Variants in MYH8 observed in about 807,000 individuals in gnomAD.
The protein encoded by MYH8 is myosin heavy chain 8.
In MYH8, 168 loss-of-function variants were observed where a neutral mutation model predicts 233.2. The observed-to-expected ratio is 0.72, with a 90% CI of 0.64 to 0.82. MYH8 has a LOEUF of 0.82. Ranked by LOEUF, MYH8 falls within the 40% of genes least tolerant of loss-of-function variation. MYH8 has a pLI of 0.00. For missense variants in MYH8, 1,995 were observed against 2,327.8 expected (o/e 0.86, Z 2.94); for synonymous variants, 785 against 850.6 (o/e 0.92, Z 1.34).
chr17:10,402,892 C>T (rs949745697), intron 22 of MYH8, among the ~76,000 whole-genome samples: 2 of 152,268 alleles, frequency 1.3e-5, no homozygotes, highest in South Asian at 2.1e-4. Context: ...TAGGCCTAAA[C>T]TGCAACATAA....
In MYH8 at chr17:10,396,897, C is replaced by T. The variant is rs768767249; in HGVS notation, c.4268G>A (p.Arg1423Gln). Residue 1423 changes from arginine (R) to glutamine (Q), a missense_variant, in exon 31 of 40, where the codon CGG (arginine) becomes CAG (glutamine). Arg to Gln is a conservative substitution (Grantham distance 43). Around this residue, in one of 3 missense-constraint regions of MYH8, gnomAD observed 1,498 missense variants for 1,680.9 expected, o/e 0.89. Coordinates refer to ENST00000403437, the MANE Select transcript of MYH8 (RefSeq NM_002472.3). The surrounding 1 kb of genome is among the most constrained non-coding windows in gnomAD (Gnocchi z 4.2). ...KCASLEKTKQ[R>Q]LQNEVEDLML... ...GAGGTCTTCAACTTCATTCTGGAGC[C>T]GCTGCTTCGTCTTCTCAAGGGAAGC... The T allele has an allele frequency of 1.2e-5, 20 of 1,614,038 alleles. No homozygotes were observed. The highest frequency in any genetic ancestry group is 4.5e-5 in the East Asian group (2 of 44,898).
rs1567684537 is a variant in MYH8, at chr17:10,401,783, T to C, written c.2691A>G (p.Glu897=). 6.2e-7 allele frequency: 1 copy of C among 1,614,224 alleles called. No homozygotes were observed. The highest frequency in any genetic ancestry group is 8.5e-7 in the Non-Finnish European group (1 of 1,180,026). Residue 897 remains glutamate, a splice_region_variant and synonymous_variant, in exon 23 of 40, where the codon GAA becomes GAG. Coordinates refer to ENST00000403437, the MANE Select transcript of MYH8 (RefSeq NM_002472.3). ...CCTCTGCATCAGCCAAGCTATCTGC[T>C]TCCTATGGAGAGATTCATTCAGATA... The part of the protein sequence containing the change: ...KNDLQLQVQS[E]ADSLADAEER...
chr17:10,405,549 G>C (rs2072185410), intron 21 of MYH8, among the ~76,000 whole-genome samples: 1 of 152,210 alleles, frequency 6.6e-6, no homozygotes, highest in Admixed American at 6.5e-5. Context: ...GTGTGTGTAA[G>C]TAGAGGGAAT....
In MYH8 at chr17:10,417,735, G is replaced by C. The variant is rs2072301199; in HGVS notation, c.511+910C>G. ...AATTTCTGGGAGGTAGTTAGCTTCT[G>C]TTGACAATCAAAGAACAGTTTACTG... On this transcript the variant is annotated intron_variant, in intron 5 of 39. Transcript: ENST00000403437. This position sits in a 1 kb window ranked among gnomAD's most constrained non-coding sequence, Gnocchi z 4.1. Among the ~76,000 whole-genome samples the C allele has an allele frequency of 6.6e-6, 1 of 152,196 alleles. No homozygotes were observed. The highest frequency in any genetic ancestry group is 2.4e-5 in the African/African-American group (1 of 41,456).
chr17:10,392,702 A>G, intron 37 of MYH8, 56 bp from the exon 38 acceptor site: 2 of 1,612,736 alleles, frequency 1.2e-6, no homozygotes, highest in South Asian at 1.1e-5. Flanking sequence ...AATTAGCCCA[A>G]GACCTACTGA....
rs201938799 is a variant in MYH8 at position 10,419,056 on chromosome 17, C to T, written c.211-26G>A. The T allele has an allele frequency of 1.2e-6, 2 of 1,613,690 alleles. No homozygotes were observed. Among genetic ancestry groups the T allele is most frequent in the African/African-American group, 1.3e-5 (1 of 74,962 alleles). On this transcript the variant is annotated intron_variant, in intron 3 of 39. Transcript: ENST00000403437. The surrounding 1 kb of genome is among the most constrained non-coding windows in gnomAD (Gnocchi z 4.0). ...CTGGTGAGTAAGCAAGAAACCAGTT[C>T]GTTTTTGTTTGTTTGTTTGAGATAG...
In MYH8 at chr17:10,395,254, G is replaced by A. The variant is rs1051333342; in HGVS notation, c.4841C>T (p.Ala1614Val). 1 of 1,614,000 alleles carries A rather than the reference G, an allele frequency of 6.2e-7. No individual in the cohort carries two copies. Among genetic ancestry groups the A allele is most frequent in the East Asian group, 2.2e-5 (1 of 44,888 alleles). ...TTCCATTTTCTTCTTGACTCTCAGA[G>A]CATCATTTCTGCTTCTAATCTCTGC... ...LDAEIRSRND[A>V]LRVKKKMEGD... The change falls in exon 34 of 40, where the codon GCT becomes GTT. Residue 1614 changes from alanine (A) to valine (V), a missense_variant. By Grantham distance (64) the Ala-to-Val change is moderately conservative (BLOSUM62 0). Transcript: ENST00000403437.
Position 10,409,377 on chromosome 17 carries a change from T to C in MYH8, c.1799A>G (p.Asn600Ser). Reference sequence around the variant, plus strand: ...CACAGTATCATTCAGGGGGTCCTTATTTTTGTCCAGCCAGCCAGTAATGTT... The same window carrying C: ...CACAGTATCATTCAGGGGGTCCTTACTTTTGTCCAGCCAGCCAGTAATGTT... ...DYNITGWLDKNKDPLNDTVVG... is the reference protein window; with the variant it reads ...DYNITGWLDKSKDPLNDTVVG... Residue 600 changes from asparagine to serine, a missense_variant, in exon 16 of 40, where the codon AAT becomes AGT. Transcript: ENST00000403437. 1 of 1,614,230 alleles carries C rather than the reference T, an allele frequency of 6.2e-7. No homozygotes were observed. The highest frequency in any genetic ancestry group is 1.1e-5 in the South Asian group (1 of 91,082).
chr17:10,412,516 A>T lies in MYH8; in HGVS notation c.1270T>A (p.Tyr424Asn). The change falls in exon 14 of 40, where the codon TAC becomes AAC. Residue 424 changes from tyrosine to asparagine, a missense_variant. Around this residue, in one of 3 missense-constraint regions of MYH8, gnomAD observed 479 missense variants for 600.9 expected, o/e 0.80. Transcript: ENST00000403437. ...VTKGQTVQQV[Y>N]NAVGALAKAV... ...TTGGCCAGAGCACCCACCGCATTGT[A>T]CACCTTCACAGATAGAGTAATGTTT... The T allele has an allele frequency of 1.2e-6, 2 of 1,614,224 alleles. No homozygotes were observed.
At chr17:10,412,751 A>G (rs1385412370) in intron 12 of MYH8, 23 bp from the exon 13 acceptor site, 3 of 1,550,190 alleles carry the variant, frequency 1.9e-6, no homozygotes, top group Admixed American at 1.7e-5. Flanking sequence ...AGTTCAGGAC[A>G]TGTTGTTTCA....
intron 21 of MYH8, among the ~76,000 whole-genome samples, chr17:10,405,535 C>T (rs537552901): frequency 6.6e-6 from 1 of 152,146 alleles, no homozygotes; most frequent in South Asian, 2.1e-4. Context: ...AATGAATGCA[C>T]AGTGTGTGTG....
chr17:10,398,300 A>C (rs1246558626), intron 30 of MYH8, 144 bp downstream of exon 30: 1 of 1,213,640 alleles, frequency 8.2e-7, no homozygotes, highest in East Asian at 2.5e-5. Flanking sequence ...AAATAAGCTG[A>C]TATACATGCA....
Position 10,401,142 on chromosome 17 carries a change from C to T in MYH8, c.3158G>A (p.Arg1053Lys), listed in dbSNP as rs2072137082. The T allele has an allele frequency of 4.3e-6, 7 of 1,613,722 alleles. No homozygotes were observed. Among genetic ancestry groups the T allele is most frequent in the Non-Finnish European group, 5.9e-6 (7 of 1,179,986 alleles). ...QEKKLRMDLE[R>K]AKRKLEGDLK... The stretch of plus-strand genomic sequence containing the variant: ...GTCACCCTCCAGTTTCCGCTTTGCT[C>T]TTTCTAGATCCATTCGAAGCTTCTT... The change falls in exon 25 of 40, where the codon AGA becomes AAA. Residue 1053 changes from arginine to lysine, a missense_variant. Transcript: ENST00000403437.
In MYH8 at chr17:10,390,457, C is replaced by T. The variant is rs762776103; in HGVS notation, c.5811G>A (p.Glu1937=). The T allele has an allele frequency of 1.9e-6, 3 of 1,613,210 alleles. No homozygotes were observed. The highest frequency in any genetic ancestry group is 2.7e-5 in the African/African-American group (2 of 74,918). Residue 1937 remains glutamate (E), a synonymous_variant, in exon 40 of 40, where the codon GAG becomes GAA. Transcript: ENST00000403437. ...TGATAGCATCAGGCAGGTGTGTTTA[C>T]TCTGCACTGATTTTTGTGTGAACCT... ...SREVHTKISA[E] is the part of the protein sequence containing the mutation.
chr17:10,419,922 G>T lies in MYH8; in HGVS notation c.210+96C>A. 1 of 1,313,506 alleles carries T rather than the reference G, an allele frequency of 7.6e-7. No individual in the cohort carries two copies. Among genetic ancestry groups the T allele is most frequent in the Non-Finnish European group, 1.1e-6 (1 of 910,214 alleles). 81.4% of individuals were successfully genotyped at this position (1,313,506 alleles called of 1,614,324 possible). The stretch of plus-strand genomic sequence containing the variant: ...CTCAACACTGACTAGAAGGGTGTTT[G>T]CATTGGCAACAGGCTTGGAGATTCC... On this transcript the variant is annotated intron_variant, in intron 3 of 39. Coordinates refer to ENST00000403437, the MANE Select transcript of MYH8 (RefSeq NM_002472.3). This position sits in a 1 kb window ranked among gnomAD's most constrained non-coding sequence, Gnocchi z 4.0.
In MYH8 at chr17:10,401,066, T is replaced by G; in HGVS notation, c.3234A>C (p.Gln1078His). Residue 1078 changes from glutamine (Q) to histidine (H), a missense_variant, in exon 25 of 40, where the codon CAA becomes CAC. Coordinates refer to ENST00000403437, the MANE Select transcript of MYH8 (RefSeq NM_002472.3). The part of the protein sequence containing the change: ...STMDMENDKQ[Q>H]LDEKLEKKEF... The stretch of plus-strand genomic sequence containing the variant: ...CCTACTTTTCAAGCTTTTCATCAAG[T>G]TGCTGTTTGTCATTTTCCATATCCA... 1.2e-6 allele frequency: 2 copies of G among 1,614,220 alleles called. No homozygotes were observed. Among genetic ancestry groups the G allele is most frequent in the South Asian group, 1.1e-5 (1 of 91,082 alleles).
intron 15 of MYH8, 62 bp downstream of exon 15, chr17:10,410,715 A>G: frequency 6.2e-7 from 1 of 1,611,820 alleles, no homozygotes; most frequent in Non-Finnish European, 8.5e-7. Context: ...ACTTTCTAGA[A>G]TTGCTTAAGA....
chr17:10,421,874 G>T (rs2072342873), intron 1 of MYH8, 56 bp downstream of exon 1: 2 of 152,046 alleles, frequency 1.3e-5, no homozygotes, highest in Admixed American at 1.3e-4. Flanking sequence ...ATAACTACGA[G>T]GTCAGCTCTT....
chr17:10,413,783 A>G, intron 12 of MYH8, 119 bp downstream of exon 12: 1 of 1,415,606 alleles, frequency 7.1e-7, no homozygotes, highest in African/African-American at 1.4e-5. Context: ...AGTGTGTGTA[A>G]ATGTGTATAT....
Sources: gnomAD v4.1 joint callset for allele counts (sites outside exome capture counted in the v4.1 genomes callset) on GRCh38, gnomAD v4.1.1 for gene constraint, gnomAD v4.1.1 regional missense constraint, Gnocchi (gnomAD v3.1) non-coding constraint, MANE v1.5 for transcripts, NCBI Gene and HGNC (gene_info 2026-07-23, HGNC 2026-07-21) for gene names.